DAB1: variants seen among roughly 807,000 people sequenced by gnomAD.
The protein encoded by DAB1 is DAB adaptor protein 1.
A neutral mutation model predicts 64.6 loss-of-function variants in DAB1; 15 were observed. The ratio of observed to expected loss-of-function variants is 0.23; its 90% confidence interval spans 0.16 to 0.36. The LOEUF is 0.36. Ranked by LOEUF, DAB1 falls within the 10% of genes least tolerant of loss-of-function variation. DAB1 has a pLI of 1.00. For missense variants in DAB1, 596 were observed against 706.7 expected, an observed-to-expected ratio of 0.84 and a Z score of 1.78; for synonymous variants, 235 against 251.9, an observed-to-expected ratio of 0.93 and a Z score of 0.64.
intron 2 of DAB1, among the ~76,000 whole-genome samples, chr1:57,238,145 G>A (rs1398505498): frequency 2.6e-5 from 4 of 152,194 alleles, no homozygotes; most frequent in Non-Finnish European, 2.9e-5. Context: ...GCTTCGAGCA[G>A]TGGTTCTGAG....
At chr1:57,925,927 A>C (rs1644872996) in intron 5 of DAB1, among the ~76,000 whole-genome samples, 1 of 152,140 alleles carries the variant, frequency 6.6e-6, no homozygotes. Flanking sequence ...GCCTACCCTG[A>C]CTTCCTTTTG....
chr1:57,543,991 C>T (rs1466498897), intron 7 of DAB1, among the ~76,000 whole-genome samples: 1 of 152,018 alleles, frequency 6.6e-6, no homozygotes, highest in African/African-American at 2.4e-5. Flanking sequence ...ACCTGTAGTC[C>T]TAGCTATTCA....
intron 3 of DAB1, among the ~76,000 whole-genome samples, chr1:58,374,715 A>G (rs1217534289): frequency 1.2e-4 from 16 of 138,500 alleles, no homozygotes; most frequent in South Asian, 4.7e-4. Context: ...AATTCTGTGA[A>G]GAAAGTCATT....
chr1:58,258,778 G>A (rs1660988513), intron 4 of DAB1, among the ~76,000 whole-genome samples: 1 of 151,842 alleles, frequency 6.6e-6, no homozygotes, highest in East Asian at 1.9e-4. Flanking sequence ...TTCAATTAAC[G>A]TGGGTTAGTA....
At chr1:57,222,626 C>T (rs940051546) in intron 2 of DAB1, among the ~76,000 whole-genome samples, 7 of 152,064 alleles carry the variant, frequency 4.6e-5, no homozygotes, top group African/African-American at 1.4e-4. Context: ...CCAGGCTGGG[C>T]CTTGTTCACA....
chr1:58,503,603 C>G (rs1052259051), intron 3 of DAB1, among the ~76,000 whole-genome samples: 1 of 151,918 alleles, frequency 6.6e-6, no homozygotes, highest in Non-Finnish European at 1.5e-5. Flanking sequence ...AAGGGTGGAG[C>G]CCTCATGAAT....
chr1:58,193,517 A>G (rs146934451), intron 4 of DAB1, among the ~76,000 whole-genome samples: 1,816 of 152,306 alleles, frequency 0.012, 17 homozygotes, highest in Middle Eastern at 0.041. Context: ...CCTCACAACA[A>G]TTCTATGAAA....
chr1:57,193,769 T>G (rs930050325), intron 2 of DAB1, among the ~76,000 whole-genome samples: 9 of 152,228 alleles, frequency 5.9e-5, no homozygotes, highest in African/African-American at 2.2e-4. Context: ...AATTAATGAG[T>G]TTTCACAAAC....
intron 3 of DAB1, among the ~76,000 whole-genome samples, chr1:58,431,360 C>T (rs896899496): frequency 6.6e-6 from 1 of 152,040 alleles, no homozygotes; most frequent in Non-Finnish European, 1.5e-5. Context: ...GAGATTGAGA[C>T]CATCCTGGCC....
intron 1 of DAB1, among the ~76,000 whole-genome samples, chr1:57,879,962 C>T (rs1033816528): frequency 3.9e-5 from 6 of 152,152 alleles, no homozygotes; most frequent in African/African-American, 7.2e-5. Context: ...CTCCTGCTGA[C>T]GCTAATTACA....
At chr1:58,294,864 A>ATGTGTGTG (rs1661931099) in intron 4 of DAB1, among the ~76,000 whole-genome samples, 1 of 34,944 alleles carries the variant, frequency 2.9e-5, no homozygotes, top group Non-Finnish European at 8.4e-5. Context: ...TTGGTCCAGA[A>ATGTGTGTG]CGTGTGTGTG....
At chr1:57,486,981 A>T (rs1644100309) in intron 7 of DAB1, among the ~76,000 whole-genome samples, 2 of 152,204 alleles carry the variant, frequency 1.3e-5, no homozygotes, top group Middle Eastern at 3.4e-3. Context: ...AAAAAAAAAC[A>T]ACGACCTCGG....
intron 6 of DAB1, among the ~76,000 whole-genome samples, chr1:57,787,175 T>C (rs1202656430): frequency 6.6e-6 from 1 of 152,164 alleles, no homozygotes; most frequent in Non-Finnish European, 1.5e-5. Flanking sequence ...TTATAAAATG[T>C]ATATAAAAAT....
chr1:57,889,064 T>C (rs1644268577), upstream of DAB1, among the ~76,000 whole-genome samples: 1 of 152,204 alleles, frequency 6.6e-6, no homozygotes, highest in Non-Finnish European at 1.5e-5. Flanking sequence ...TAGCACATTT[T>C]ACTGTATTAT....
intron 5 of DAB1, among the ~76,000 whole-genome samples, chr1:58,103,200 T>TA (rs1190783611): frequency 6.6e-6 from 1 of 152,054 alleles, no homozygotes; most frequent in Non-Finnish European, 1.5e-5. Context: ...AAGCATAAAA[T>TA]AAAATACCAT....
At chr1:57,191,984 G>T (rs868642060) in intron 2 of DAB1, among the ~76,000 whole-genome samples, 1 of 152,052 alleles carries the variant, frequency 6.6e-6, no homozygotes, top group Non-Finnish European at 1.5e-5. Flanking sequence ...AAATATAATC[G>T]CTGCTCTTAG....
At chr1:57,177,507 G>T (rs1394428684) in intron 2 of DAB1, among the ~76,000 whole-genome samples, 1 of 152,064 alleles carries the variant, frequency 6.6e-6, no homozygotes, top group Non-Finnish European at 1.5e-5. Flanking sequence ...AGACATCCAG[G>T]CACTGAAGCC....
chr1:58,394,412 C>T (rs1012292372), intron 3 of DAB1, among the ~76,000 whole-genome samples: 6 of 152,198 alleles, frequency 3.9e-5, no homozygotes, highest in African/African-American at 7.2e-5. Context: ...AAAACCTGTA[C>T]ATGAGTGCTC....
chr1:57,288,904 A>T (rs1672549482), intron 2 of DAB1, among the ~76,000 whole-genome samples: 7 of 152,228 alleles, frequency 4.6e-5, no homozygotes, highest in Admixed American at 4.6e-4. Context: ...ATTAATCTTC[A>T]TAGTGAGCCT....
Sources: allele counts gnomAD v4.1 joint callset (sites outside exome capture counted in the v4.1 genomes callset), GRCh38; gene constraint gnomAD v4.1.1; transcripts MANE v1.5; gene names NCBI Gene and HGNC (gene_info 2026-07-23, HGNC 2026-07-21).